The following AGBL1 variants were observed in gnomAD, a reference collection of about 807,000 sequenced individuals.
The protein encoded by AGBL1 is AGBL carboxypeptidase 1.
Under a neutral mutation model 118.9 loss-of-function variants are expected in AGBL1, and 130 were observed. The ratio of observed to expected loss-of-function variants is 1.09; its 90% confidence interval spans 0.95 to 1.26. The LOEUF is 1.26. AGBL1 is among the 50% of genes most tolerant of loss of function. The pLI, the probability that AGBL1 is intolerant of heterozygous loss-of-function variation, is 0.00. For missense variants in AGBL1, 1,584 were observed against 1,298.1 expected (o/e 1.22, Z -3.38); for synonymous variants, 555 against 478.9 (o/e 1.16, Z -2.08).
intron 5 of AGBL1, among the ~76,000 whole-genome samples, chr15:86,220,613 C>T (rs372277600): frequency 2.6e-5 from 4 of 152,288 alleles, no homozygotes; most frequent in South Asian, 2.1e-4. Flanking sequence ...GGAGAGTGGA[C>T]GTGAACTGTG....
At chr15:86,350,429 T>A (rs2080607303) in intron 17 of AGBL1, among the ~76,000 whole-genome samples, 1 of 152,202 alleles carries the variant, frequency 6.6e-6, no homozygotes, top group Non-Finnish European at 1.5e-5. Flanking sequence ...CCATGTTGTA[T>A]TGGAACAGAA....
intron 22 of AGBL1, among the ~76,000 whole-genome samples, chr15:86,677,371 C>G (rs79718535): frequency 1.3e-5 from 2 of 152,110 alleles, no homozygotes; most frequent in East Asian, 3.9e-4. Context: ...TGCATACTCA[C>G]GAAAGCATCT....
intron 19 of AGBL1, among the ~76,000 whole-genome samples, chr15:86,528,474 C>T (rs2083299776): frequency 2.6e-5 from 4 of 151,810 alleles, no homozygotes; most frequent in Admixed American, 2.6e-4. Flanking sequence ...CGGAATCTCG[C>T]TGATTGCTAG....
intron 23 of AGBL1, among the ~76,000 whole-genome samples, chr15:86,964,031 C>CTCTCTCTCTCTG (rs1183866210): frequency 0.019 from 2,811 of 146,126 alleles, 33 homozygotes; most frequent in Middle Eastern, 0.031. Flanking sequence ...CTCTCTCTCT[C>CTCTCTCTCTCTG]TGTGTGTGTG....
chr15:86,979,357 C>T (rs1021397285), intron 23 of AGBL1, among the ~76,000 whole-genome samples: 5 of 152,112 alleles, frequency 3.3e-5, no homozygotes, highest in African/African-American at 1.2e-4. Flanking sequence ...TTTGTTTCCC[C>T]CAATGTCCTA....
chr15:87,014,793 A>G (rs556874268), intron 24 of AGBL1, among the ~76,000 whole-genome samples: 2 of 152,242 alleles, frequency 1.3e-5, no homozygotes, highest in Admixed American at 6.5e-5. Flanking sequence ...TACTATGTCT[A>G]TCTCCCTACT....
At chr15:86,808,095 G>A (rs2078742335) in intron 22 of AGBL1, among the ~76,000 whole-genome samples, 1 of 152,134 alleles carries the variant, frequency 6.6e-6, no homozygotes, top group South Asian at 2.1e-4. Context: ...ATTATTAGAT[G>A]TGATTTCCCT....
chr15:86,843,348 T>TC (rs944886628), intron 22 of AGBL1, among the ~76,000 whole-genome samples: 2 of 151,936 alleles, frequency 1.3e-5, no homozygotes, highest in Admixed American at 6.6e-5. Context: ...TTTTTTTTTT[T>TC]CTTTTTTAAA....
intron 22 of AGBL1, among the ~76,000 whole-genome samples, chr15:86,694,876 G>C (rs2086230003): frequency 1.3e-5 from 2 of 151,940 alleles, no homozygotes; most frequent in South Asian, 4.1e-4. Flanking sequence ...TTTGAATTCT[G>C]TTTATATGGT....
At chr15:86,416,956 T>G (rs1468481230) in intron 18 of AGBL1, among the ~76,000 whole-genome samples, 2 of 152,224 alleles carry the variant, frequency 1.3e-5, no homozygotes, top group Non-Finnish European at 2.9e-5. Flanking sequence ...ACAAAGATCT[T>G]ATCCCTATTA....
At chr15:86,173,315 A>G (rs960415986) in intron 5 of AGBL1, 1 of 151,996 alleles carries the variant, frequency 6.6e-6, no homozygotes, top group Non-Finnish European at 1.5e-5. Context: ...TTGCTATTGA[A>G]TTGGGTTCCT....
At chr15:86,702,915 A>C (rs1252165449) in intron 22 of AGBL1, among the ~76,000 whole-genome samples, 1 of 152,114 alleles carries the variant, frequency 6.6e-6, no homozygotes, top group Non-Finnish European at 1.5e-5. Flanking sequence ...CAAGGAAGCA[A>C]GTGTAGATGG....
intron 22 of AGBL1, among the ~76,000 whole-genome samples, chr15:86,751,464 A>T (rs749659783): frequency 1.5e-4 from 23 of 152,186 alleles, no homozygotes; most frequent in Non-Finnish European, 2.8e-4. Flanking sequence ...GGATGTAGGC[A>T]TGGGCAAAGA....
chr15:86,581,691 T>G (rs911623706), intron 21 of AGBL1, among the ~76,000 whole-genome samples: 5 of 152,094 alleles, frequency 3.3e-5, no homozygotes, highest in African/African-American at 7.2e-5. Context: ...AACCCCCAAA[T>G]GTTACCTAGA....
chr15:86,955,098 C>T (rs1307083461), intron 23 of AGBL1, among the ~76,000 whole-genome samples: 1 of 152,002 alleles, frequency 6.6e-6, no homozygotes, highest in Non-Finnish European at 1.5e-5. Flanking sequence ...TTCACTATTG[C>T]ATATTTTAGA....
At chr15:86,459,853 T>C (rs1421022833) in intron 18 of AGBL1, among the ~76,000 whole-genome samples, 2 of 152,274 alleles carry the variant, frequency 1.3e-5, no homozygotes, top group East Asian at 3.9e-4. Context: ...CGGGTACAGC[T>C]ACTCTTATGA....
intron 21 of AGBL1, among the ~76,000 whole-genome samples, chr15:86,672,239 C>A (rs2085759379): frequency 2.0e-5 from 3 of 152,168 alleles, no homozygotes; most frequent in Non-Finnish European, 4.4e-5. Flanking sequence ...TAATCAAGGT[C>A]TTCTGGACTA....
intron 18 of AGBL1, among the ~76,000 whole-genome samples, chr15:86,490,000 A>G (rs1006340960): frequency 4.6e-5 from 7 of 152,088 alleles, no homozygotes; most frequent in Admixed American, 2.6e-4. Context: ...CAGTGGATGC[A>G]TGGGTAAAGG....
intron 17 of AGBL1, chr15:86,316,704 T>C (rs2080017725): frequency 6.6e-6 from 1 of 152,248 alleles, no homozygotes; most frequent in Non-Finnish European, 1.5e-5. Flanking sequence ...GGTCTGAAGA[T>C]GACAAGACCA....
Sources: gnomAD v4.1 joint callset for allele counts (sites outside exome capture counted in the v4.1 genomes callset) on GRCh38, gnomAD v4.1.1 for gene constraint, MANE v1.5 for transcripts, NCBI Gene and HGNC (gene_info 2026-07-23, HGNC 2026-07-21) for gene names.